Variants in CNNM2 observed in about 807,000 individuals in gnomAD.
The protein encoded by CNNM2 is metal transporter CNNM2.
A neutral mutation model predicts 66.9 loss-of-function variants in CNNM2; 12 were observed. The observed-to-expected ratio is 0.18, with a 90% confidence interval of 0.11 to 0.29. CNNM2 has a LOEUF of 0.29. CNNM2 is among the 10% of genes least tolerant of loss of function. The pLI, the probability that CNNM2 is intolerant of heterozygous loss-of-function variation, is 1.00. For missense variants in CNNM2, 705 were observed against 1,167.7 expected, an observed-to-expected ratio of 0.60 and a Z score of 5.77; for synonymous variants, 557 against 501.8, an observed-to-expected ratio of 1.11 and a Z score of -1.47.
intron 1 of CNNM2, among the ~76,000 whole-genome samples, chr10:102,984,655 G>T (rs1346417859): frequency 5.9e-5 from 9 of 152,052 alleles, no homozygotes; most frequent in Admixed American, 1.3e-4. Flanking sequence ...GTGTAATCTT[G>T]TCCTTACTTC....
chr10:102,980,359 C>T, intron 1 of CNNM2, among the ~76,000 whole-genome samples: 1 of 150,862 alleles, frequency 6.6e-6, no homozygotes, highest in Non-Finnish European at 1.5e-5. Context: ...GCAGCCTCAA[C>T]TTCCTGGCTT....
intron 1 of CNNM2, among the ~76,000 whole-genome samples, chr10:103,040,603 T>TGGCA (rs749770856): frequency 2.0e-5 from 3 of 152,148 alleles, no homozygotes; most frequent in Non-Finnish European, 4.4e-5. Context: ...TGGCTAGACT[T>TGGCA]GGCAGGGGCT....
rs7907792 is a variant in CNNM2, at chr10:102,968,872, G to A, written c.1621+48771G>A. ...TGCCTTGGCTTCTCAAAGTGCTGGG[G>A]TTACAGGCATGAGCCACTTGTGCCC... On this transcript the variant is annotated intron_variant, in intron 1 of 7. Transcript: ENST00000369878. Among the ~76,000 whole-genome samples the A allele has an allele frequency of 0.98, 146,428 of 149,854 alleles. 71,566 individuals are homozygous for A. The highest frequency in any genetic ancestry group is 1 in the East Asian group (5,071 of 5,072).
At chr10:103,053,440 C>T (rs2065247773) in intron 2 of CNNM2, among the ~76,000 whole-genome samples, 1 of 152,196 alleles carries the variant, frequency 6.6e-6, no homozygotes, top group African/African-American at 2.4e-5. Context: ...TCACTTGAGC[C>T]TTGGAGTTGA....
intron 1 of CNNM2, among the ~76,000 whole-genome samples, chr10:102,954,130 T>C (rs946994790): frequency 2.4e-5 from 3 of 126,230 alleles, no homozygotes; most frequent in Admixed American, 1.6e-4. Context: ...TCTTTTCTTT[T>C]TTTTTTTTTT....
chr10:103,024,890 A>AT (rs1418948502), intron 1 of CNNM2, among the ~76,000 whole-genome samples: 1 of 152,072 alleles, frequency 6.6e-6, no homozygotes, highest in Admixed American at 6.6e-5. Context: ...TATCCCATGT[A>AT]TTTCCTGTAC....
At chr10:103,040,342 G>T (rs56376544) in intron 1 of CNNM2, among the ~76,000 whole-genome samples, 2,057 of 152,002 alleles carry the variant, frequency 0.014, 27 homozygotes, top group Admixed American at 0.019. Flanking sequence ...GCAGAGGAAG[G>T]GGTGAGTAGA....
intron 1 of CNNM2, among the ~76,000 whole-genome samples, chr10:102,980,617 T>G (rs1000884228): frequency 6.6e-6 from 1 of 152,158 alleles, no homozygotes; most frequent in Admixed American, 6.5e-5. Flanking sequence ...ATAAGGACTT[T>G]CCTTTTCTGT....
chr10:102,946,003 G>A (rs768410565), intron 1 of CNNM2, among the ~76,000 whole-genome samples: 2 of 152,018 alleles, frequency 1.3e-5, no homozygotes, highest in African/African-American at 2.4e-5. Flanking sequence ...AGACCTCCAC[G>A]TCTCTCCAGT....
chr10:103,071,740 A>T, intron 5 of CNNM2, 34 bp from the exon 6 acceptor site: 1 of 1,568,400 alleles, frequency 6.4e-7, no homozygotes, highest in Non-Finnish European at 8.8e-7. Context: ...TTGCCTTTTG[A>T]TGCGATCTCA....
At chr10:103,076,001 T>C (rs2065683747) in intron 6 of CNNM2, 85 bp from the exon 7 acceptor site, 1 of 1,245,384 alleles carries the variant, frequency 8.0e-7, no homozygotes. Flanking sequence ...GTGTGGCATT[T>C]AGTATTTTTT....
intron 1 of CNNM2, among the ~76,000 whole-genome samples, chr10:102,937,288 C>G (rs1846271965): frequency 6.6e-6 from 1 of 152,056 alleles, no homozygotes; most frequent in Non-Finnish European, 1.5e-5. Flanking sequence ...GGCATGTGCC[C>G]CATGATCCCA....
chr10:102,994,083 C>T (rs890770783), intron 1 of CNNM2, among the ~76,000 whole-genome samples: 1 of 152,130 alleles, frequency 6.6e-6, no homozygotes, highest in African/African-American at 2.4e-5. Flanking sequence ...ATTACAGGCA[C>T]ATGCCACCAC....
chr10:102,961,449 C>A (rs1297510340), intron 1 of CNNM2, among the ~76,000 whole-genome samples: 1 of 152,122 alleles, frequency 6.6e-6, no homozygotes, highest in African/African-American at 2.4e-5. Context: ...TGGCAATGCT[C>A]AGGCTATTTC....
rs61358266 is a variant in CNNM2 at position 103,007,027 on chromosome 10, TC to T, written c.1622-42679del. Among the ~76,000 whole-genome samples the T allele has an allele frequency of 0.016, 2,506 of 152,318 alleles. 49 individuals carry two copies. The highest frequency in any genetic ancestry group is 0.073 in the East Asian group (377 of 5,182). On this transcript the variant is annotated intron_variant, in intron 1 of 7. Coordinates refer to ENST00000369878, the MANE Select transcript of CNNM2 (RefSeq NM_017649.5). ...CCCCAGTATTTCAACGTAGGTTCTT[TC>T]TATTTTCCCTAAGTGTCGGCTGATC...
chr10:102,951,081 G>A (rs1846813058), intron 1 of CNNM2, among the ~76,000 whole-genome samples: 2 of 146,494 alleles, frequency 1.4e-5, no homozygotes, highest in East Asian at 2.0e-4. Context: ...TCTGCCTCTT[G>A]GATTCAAGCA....
Position 102,918,307 on chromosome 10 carries a change from C to T in CNNM2, c.-174C>T. ...CGGCGCTCCTCTCCCTCCCTCTTTCCCTCCCGCGAGCCTCGGGGTTCCTCA... is the reference window on the plus strand; with the variant it reads ...CGGCGCTCCTCTCCCTCCCTCTTTCTCTCCCGCGAGCCTCGGGGTTCCTCA... On this transcript the variant is annotated 5_prime_UTR_variant, in exon 1 of 8. Transcript: ENST00000369878. The surrounding 1 kb of genome is among the most constrained non-coding windows in gnomAD (Gnocchi z 4.1). 1 of 1,158,702 alleles carries T rather than the reference C, an allele frequency of 8.6e-7. No homozygotes were observed. The highest frequency in any genetic ancestry group is 1.2e-6 in the Non-Finnish European group (1 of 863,114). The allele number at this position is 1,158,702 out of a possible 1,614,324, so 71.8% of individuals were successfully genotyped here. A position where few individuals can be genotyped will look rare whatever the true frequency, so the allele number is the denominator to read the frequency against.
intron 1 of CNNM2, among the ~76,000 whole-genome samples, chr10:103,028,715 G>C (rs1429723685): frequency 6.6e-6 from 1 of 151,502 alleles, no homozygotes; most frequent in African/African-American, 2.4e-5. Context: ...GGAAAAAAAA[G>C]ACAATCTCCT....
rs376084184 is a variant in CNNM2 at position 103,089,738 on chromosome 10, G to C, written c.*12558G>C. ...CATGGCAGTGTGTAATTTCCTGGGG[G>C]GCCAGTGGGAAGAGGTTGGGAGGTT... On this transcript the variant is annotated 3_prime_UTR_variant, in exon 8 of 8. Coordinates refer to ENST00000369878, the MANE Select transcript of CNNM2 (RefSeq NM_017649.5). 6.2e-7 allele frequency: 1 copy of C among 1,613,654 alleles called. No individual in the cohort carries two copies. The highest frequency in any genetic ancestry group is 2.2e-5 in the East Asian group (1 of 44,872).
Sources: gnomAD v4.1 joint callset for allele counts (sites outside exome capture counted in the v4.1 genomes callset) on GRCh38, gnomAD v4.1.1 for gene constraint, Gnocchi (gnomAD v3.1) non-coding constraint, MANE v1.5 for transcripts, NCBI Gene and HGNC (gene_info 2026-07-23, HGNC 2026-07-21) for gene names.